Variants in CDH6 observed in about 807,000 individuals in gnomAD.
The protein encoded by CDH6 is cadherin-6.
Under a neutral mutation model 78.0 loss-of-function variants are expected in CDH6, and 31 were observed. The observed-to-expected ratio is 0.40, with a 90% confidence interval of 0.30 to 0.54. The LOEUF (loss-of-function observed/expected upper bound fraction) is 0.54. Ranked by LOEUF, CDH6 falls within the 20% of genes least tolerant of loss-of-function variation. The pLI is 0.56. For missense variants in CDH6, 724 were observed against 975.9 expected (o/e 0.74, Z 3.44); for synonymous variants, 376 against 368.8 (o/e 1.02, Z -0.23).
intron 1 of CDH6, among the ~76,000 whole-genome samples, chr5:31,195,904 C>A (rs546678026): frequency 6.6e-6 from 1 of 152,232 alleles, no homozygotes; most frequent in South Asian, 2.1e-4. Flanking sequence ...AGGCAGCAGC[C>A]CAATTTTGAA....
chr5:31,224,961 T>C (rs4463190), intron 1 of CDH6, among the ~76,000 whole-genome samples: 136,572 of 152,042 alleles, frequency 0.9, 61,491 homozygotes, highest in East Asian at 0.99. Flanking sequence ...CAACTACAGG[T>C]GATTTTGCTC....
intron 1 of CDH6, among the ~76,000 whole-genome samples, chr5:31,261,543 T>C (rs1311993298): frequency 2.0e-5 from 3 of 152,156 alleles, no homozygotes; most frequent in Admixed American, 6.5e-5. Context: ...CAATTCATAA[T>C]AGGTTGTAAA....
chr5:31,243,316 G>A (rs1373178244), intron 1 of CDH6, among the ~76,000 whole-genome samples: 2 of 152,118 alleles, frequency 1.3e-5, no homozygotes, highest in Non-Finnish European at 2.9e-5. Flanking sequence ...ATCCCAATTA[G>A]GTTACTAAGC....
At chr5:31,235,655 G>A (rs1033801606) in intron 1 of CDH6, among the ~76,000 whole-genome samples, 3 of 152,200 alleles carry the variant, frequency 2.0e-5, no homozygotes, top group African/African-American at 4.8e-5. Context: ...TTTATTTGTA[G>A]CAATAAAACC....
At chr5:31,275,028 GA>G (rs1742652488) in intron 2 of CDH6, among the ~76,000 whole-genome samples, 1 of 152,118 alleles carries the variant, frequency 6.6e-6, no homozygotes. Context: ...TTTCTTTATT[GA>G]TCAGCATAAC....
chr5:31,276,790 C>T (rs1473001083), intron 2 of CDH6, among the ~76,000 whole-genome samples: 3 of 152,188 alleles, frequency 2.0e-5, no homozygotes, highest in African/African-American at 7.2e-5. Flanking sequence ...CCTGTGCCCC[C>T]TCGATTCCTC....
At chr5:31,210,813 T>G (rs567556202) in intron 1 of CDH6, among the ~76,000 whole-genome samples, 160 of 152,350 alleles carry the variant, frequency 1.1e-3, no homozygotes, top group Non-Finnish European at 1.7e-3. Flanking sequence ...TGTTATTTTT[T>G]GGGTTTTTTT....
chr5:31,235,123 A>C (rs4457092), intron 1 of CDH6, among the ~76,000 whole-genome samples: 108,452 of 151,940 alleles, frequency 0.71, 42,655 homozygotes, highest in Non-Finnish European at 0.86. Context: ...GGGTAGAAGA[A>C]AATTTTTGAA....
In CDH6 at chr5:31,326,571, TC is replaced by T. The variant is rs1738627984; in HGVS notation, c.*3266del. 5.3e-6 allele frequency: 1 copy of T among 188,634 alleles called. No homozygotes were observed. The allele number at this position is 188,634 out of a possible 1,614,324, so 11.7% of individuals were successfully genotyped here. ...AAGGGATGTTCAGCAATGAAATTACTCCCTTTTCAGATGGAACAAAACCTGC... is the reference window on the plus strand; with the variant it reads ...AAGGGATGTTCAGCAATGAAATTACTCCTTTTCAGATGGAACAAAACCTGC... On this transcript the variant is annotated 3_prime_UTR_variant, in exon 12 of 12. Coordinates refer to ENST00000265071, the MANE Select transcript of CDH6 (RefSeq NM_004932.4).
At chr5:31,315,516 C>T (rs1204922780) in intron 8 of CDH6, among the ~76,000 whole-genome samples, 2 of 152,208 alleles carry the variant, frequency 1.3e-5, no homozygotes, top group Admixed American at 6.5e-5. Context: ...CAAAATACTT[C>T]ATTTATCTCA....
intron 1 of CDH6, among the ~76,000 whole-genome samples, chr5:31,248,581 A>G (rs1480648489): frequency 1.3e-5 from 2 of 152,218 alleles, no homozygotes; most frequent in Non-Finnish European, 2.9e-5. Flanking sequence ...TAACACTACC[A>G]TTAAATCTTG....
chr5:31,306,799 T>A (rs1184377667), intron 7 of CDH6, among the ~76,000 whole-genome samples: 1 of 152,022 alleles, frequency 6.6e-6, no homozygotes, highest in Non-Finnish European at 1.5e-5. Context: ...ATGTAATACG[T>A]CAGGCAAAAG....
chr5:31,313,213 A>C, intron 7 of CDH6, 105 bp from the exon 8 acceptor site: 1 of 1,006,856 alleles, frequency 9.9e-7, no homozygotes, highest in Middle Eastern at 3.4e-4. Flanking sequence ...TTTATGCCAC[A>C]GATACTCTGG....
chr5:31,208,814 T>G (rs1740612317), intron 1 of CDH6, among the ~76,000 whole-genome samples: 1 of 152,242 alleles, frequency 6.6e-6, no homozygotes, highest in South Asian at 2.1e-4. Flanking sequence ...CTACAGGTAG[T>G]CTAATACCAG....
chr5:31,245,542 G>A (rs1741720776), intron 1 of CDH6, among the ~76,000 whole-genome samples: 1 of 152,128 alleles, frequency 6.6e-6, no homozygotes, highest in Non-Finnish European at 1.5e-5. Flanking sequence ...CCCAGCTCAC[G>A]GGGGTTAAGA....
At chr5:31,318,084 T>G (rs750818085) in intron 11 of CDH6, 160 bp downstream of exon 11, 1 of 877,854 alleles carries the variant, frequency 1.1e-6, no homozygotes, top group African/African-American at 1.6e-5. Flanking sequence ...GTGAACTCAT[T>G]TTTGCTTGCA....
chr5:31,313,478 C>A (rs774935348), intron 8 of CDH6, 24 bp downstream of exon 8: 3 of 1,607,094 alleles, frequency 1.9e-6, no homozygotes, highest in South Asian at 2.2e-5. Context: ...AATACCGCTG[C>A]TGTCCCCTAT....
At chr5:31,295,077 A>G (rs571666829) in intron 3 of CDH6, among the ~76,000 whole-genome samples, 1 of 152,208 alleles carries the variant, frequency 6.6e-6, no homozygotes, top group Non-Finnish European at 1.5e-5. Context: ...TGTCAGTTAG[A>G]TATCAGAGAC....
intron 1 of CDH6, among the ~76,000 whole-genome samples, chr5:31,200,260 A>T (rs1424800159): frequency 7.2e-5 from 11 of 152,048 alleles, no homozygotes; most frequent in Admixed American, 7.2e-4. Context: ...CTTCAGAGGG[A>T]TCTTTATGAG....
Sources: allele counts gnomAD v4.1 joint callset (sites outside exome capture counted in the v4.1 genomes callset), GRCh38; gene constraint gnomAD v4.1.1; transcripts MANE v1.5; gene names NCBI Gene and HGNC (gene_info 2026-07-23, HGNC 2026-07-21).